PDE4D: variants seen among roughly 807,000 people sequenced by gnomAD.
The protein encoded by PDE4D is phosphodiesterase 4D.
Under a neutral mutation model 87.4 loss-of-function variants are expected in PDE4D, and 24 were observed. That is an observed-to-expected ratio of 0.27 (90% CI 0.20 to 0.39). The LOEUF (loss-of-function observed/expected upper bound fraction) is 0.39. Ranked by LOEUF, PDE4D falls within the 10% of genes least tolerant of loss-of-function variation. PDE4D has a pLI of 1.00. For synonymous variants in PDE4D, 384 were observed against 383.2 expected (o/e 1.00, Z -0.02); for missense variants, 714 against 1,041.0 (o/e 0.69, Z 4.32).
intron 1 of PDE4D, among the ~76,000 whole-genome samples, chr5:59,829,599 T>C (rs1475387891): frequency 1.3e-5 from 2 of 152,048 alleles, no homozygotes; most frequent in African/African-American, 2.4e-5. Context: ...AAAGAACTAA[T>C]GGCCTCATTC....
At chr5:60,331,877 C>G (rs1464842789) in intron 1 of PDE4D, among the ~76,000 whole-genome samples, 1 of 152,196 alleles carries the variant, frequency 6.6e-6, no homozygotes, top group African/African-American at 2.4e-5. Context: ...TCCTTAGCTA[C>G]TCTGCTTCAG....
chr5:59,129,489 C>T (rs1051499697), intron 5 of PDE4D, among the ~76,000 whole-genome samples: 59 of 152,144 alleles, frequency 3.9e-4, no homozygotes, highest in African/African-American at 1.4e-3. Context: ...CTCCCTGAGC[C>T]CAGCCATCAT....
At chr5:60,213,507 C>A (rs1232912487) in intron 1 of PDE4D, among the ~76,000 whole-genome samples, 1 of 152,180 alleles carries the variant, frequency 6.6e-6, no homozygotes, top group Non-Finnish European at 1.5e-5. Flanking sequence ...TTCTGGGAGT[C>A]ATTTCTGGAA....
At chr5:60,324,046 T>A (rs563692071) in intron 1 of PDE4D, among the ~76,000 whole-genome samples, 5 of 152,284 alleles carry the variant, frequency 3.3e-5, no homozygotes, top group African/African-American at 1.2e-4. Context: ...TTTGATTAAG[T>A]AAATGCCTCA....
intron 1 of PDE4D, among the ~76,000 whole-genome samples, chr5:59,770,053 G>A (rs1019838516): frequency 7.9e-5 from 12 of 152,150 alleles, no homozygotes; most frequent in African/African-American, 2.4e-4. Context: ...CTGTTAGCAT[G>A]CCCACAACAA....
chr5:59,181,885 C>T (rs989976000), intron 4 of PDE4D, among the ~76,000 whole-genome samples: 2 of 152,088 alleles, frequency 1.3e-5, no homozygotes, highest in African/African-American at 4.8e-5. Context: ...CACAGCCTCA[C>T]ATATGTGCCA....
chr5:60,316,681 A>G (rs1178367000), intron 1 of PDE4D, among the ~76,000 whole-genome samples: 3 of 152,164 alleles, frequency 2.0e-5, no homozygotes, highest in African/African-American at 7.2e-5. Flanking sequence ...TAATTTATTG[A>G]GAGTTTTTAG....
intron 1 of PDE4D, among the ~76,000 whole-genome samples, chr5:60,494,496 T>G (rs1486494715): frequency 6.6e-6 from 1 of 152,190 alleles, no homozygotes; most frequent in Non-Finnish European, 1.5e-5. Flanking sequence ...GAAAACAATG[T>G]ATTCTGGAGG....
intron 5 of PDE4D, among the ~76,000 whole-genome samples, chr5:59,123,444 T>A (rs969733647): frequency 6.6e-6 from 1 of 152,254 alleles, no homozygotes; most frequent in Non-Finnish European, 1.5e-5. Context: ...CCTTTCATAA[T>A]CTGCCGTTTA....
intron 1 of PDE4D, among the ~76,000 whole-genome samples, chr5:60,287,834 TTTTA>T (rs557556739): frequency 6.7e-4 from 102 of 152,320 alleles, no homozygotes; most frequent in African/African-American, 2.4e-3. Flanking sequence ...TCCCCTAATA[TTTTA>T]TTTGATTATT....
chr5:59,883,960 A>G (rs1718318873), intron 1 of PDE4D, among the ~76,000 whole-genome samples: 1 of 152,190 alleles, frequency 6.6e-6, no homozygotes, highest in African/African-American at 2.4e-5. Flanking sequence ...GTGAAATACA[A>G]GTGAAATATA....
At chr5:60,418,218 C>T (rs10075791) in intron 1 of PDE4D, among the ~76,000 whole-genome samples, 21,442 of 152,102 alleles carry the variant, frequency 0.14, 1,607 homozygotes, top group African/African-American at 0.17. Context: ...GCTCACAGGA[C>T]ATGATTCCAT....
intron 1 of PDE4D, among the ~76,000 whole-genome samples, chr5:60,359,073 A>G (rs1422157625): frequency 6.6e-6 from 1 of 152,206 alleles, no homozygotes; most frequent in Non-Finnish European, 1.5e-5. Context: ...TGCTTAAGTA[A>G]GAATATATGT....
intron 1 of PDE4D, among the ~76,000 whole-genome samples, chr5:59,604,740 A>AT (rs879554519): frequency 1.3e-4 from 20 of 152,020 alleles, no homozygotes; most frequent in African/African-American, 4.1e-4. Context: ...TTCGTTTAAG[A>AT]TTTTTTTTAA....
chr5:59,363,759 G>T (rs917801764), intron 1 of PDE4D, among the ~76,000 whole-genome samples: 1 of 152,142 alleles, frequency 6.6e-6, no homozygotes, highest in African/African-American at 2.4e-5. Flanking sequence ...CTCCATTGTG[G>T]CTGGCTTACC....
chr5:59,216,201 G>A (rs980239284), intron 1 of PDE4D, among the ~76,000 whole-genome samples: 1 of 152,102 alleles, frequency 6.6e-6, no homozygotes, highest in Non-Finnish European at 1.5e-5. Flanking sequence ...CAAGATACAG[G>A]TTTTTCCAAA....
At chr5:60,062,121 G>C (rs921052697) in intron 2 of PDE4D, among the ~76,000 whole-genome samples, 1 of 152,086 alleles carries the variant, frequency 6.6e-6, no homozygotes, top group African/African-American at 2.4e-5. Context: ...AGAGTGAACA[G>C]GCAATCTACA....
At chr5:59,051,564 C>T (rs754082372) in intron 5 of PDE4D, among the ~76,000 whole-genome samples, 22 of 152,146 alleles carry the variant, frequency 1.4e-4, no homozygotes, top group Admixed American at 6.5e-4. Flanking sequence ...TTACTAATGA[C>T]GTTTTGTGGT....
chr5:60,108,140 T>C (rs1304404511), intron 2 of PDE4D, among the ~76,000 whole-genome samples: 3 of 151,812 alleles, frequency 2.0e-5, no homozygotes, highest in African/African-American at 7.3e-5. Flanking sequence ...CTCCTTAAGC[T>C]GATAAGCAAC....
Sources: allele counts gnomAD v4.1 joint callset (sites outside exome capture counted in the v4.1 genomes callset), GRCh38; gene constraint gnomAD v4.1.1; transcripts MANE v1.5; gene names NCBI Gene and HGNC (gene_info 2026-07-23, HGNC 2026-07-21).